The following SSR1 variants were observed in gnomAD, a reference collection of about 807,000 sequenced individuals.
The protein encoded by SSR1 is signal sequence receptor subunit 1, also known as translocon-associated protein subunit alpha.
A neutral mutation model predicts 36.1 loss-of-function variants in SSR1; 13 were observed. The observed-to-expected ratio is 0.36, with a 90% CI of 0.23 to 0.57. SSR1 has a LOEUF of 0.57. SSR1 is among the 20% of genes least tolerant of loss of function. The pLI is 0.81. For missense variants in SSR1, 291 were observed against 338.5 expected (o/e 0.86, Z 1.10); for synonymous variants, 113 against 118.9 (o/e 0.95, Z 0.32).
At chr6:7,296,410 G>A (rs1757795318) in intron 6 of SSR1, among the ~76,000 whole-genome samples, 1 of 152,138 alleles carries the variant, frequency 6.6e-6, no homozygotes, top group South Asian at 2.1e-4. Context: ...GGCAAAGCGA[G>A]TTTTAGAAAT....
intron 2 of SSR1, among the ~76,000 whole-genome samples, chr6:7,306,808 C>T (rs539366086): frequency 0.013 from 1,884 of 149,180 alleles, 21 homozygotes; most frequent in Non-Finnish European, 0.017. Flanking sequence ...CCCAGCTACT[C>T]GGGAGACTGA....
Position 7,313,069 on chromosome 6 carries a change from T to C in SSR1, c.52A>G (p.Thr18Ala), listed in dbSNP as rs758636784. Reference sequence around the variant, plus strand: ...CTGGGGCCGCCTCGGAACAAGACAGTGGCAGGGAACACGAGTAAGAGAAGC... The same window carrying C: ...CTGGGGCCGCCTCGGAACAAGACAGCGGCAGGGAACACGAGTAAGAGAAGC... ...LLLLLLVFPA[T>A]VLFRGGPRGL... The change falls in exon 1 of 8, where the codon ACT becomes GCT. Residue 18 changes from threonine (T) to alanine (A), a missense_variant. Physicochemically the swap from Thr to Ala is moderately conservative, Grantham distance 58. Coordinates refer to ENST00000244763, the MANE Select transcript of SSR1 (RefSeq NM_003144.5). The C allele has an allele frequency of 6.2e-6, 10 of 1,608,524 alleles. No individual in the cohort carries two copies. In the Admixed American group the frequency reaches 1.7e-4, roughly 27 times the overall value.
At chr6:7,290,415 T>A (rs200241399) in intron 7 of SSR1, among the ~76,000 whole-genome samples, 15 of 12,222 alleles carry the variant, frequency 1.2e-3, no homozygotes, top group African/African-American at 4.9e-3. Context: ...TCCCATATGT[T>A]TGTTAGATTC....
At position 7,313,121 on chromosome 6, in the gene SSR1, G is replaced by A. The variant is rs777263622; in HGVS notation, c.-1C>T. ...GCAGCAAGCGGGGGAGGAGTCTCAT[G>A]GCGCTGCCGGTCCAGTGTCCAGTTT... is the stretch of plus-strand genomic sequence containing the variant. On this transcript the variant is annotated 5_prime_UTR_variant, in exon 1 of 8. Transcript: ENST00000244763. 1.7e-5 allele frequency: 27 copies of A among 1,603,360 alleles called. No homozygotes were observed. The Admixed American group carries it at 4.4e-4, about 26-fold the overall frequency.
At chr6:7,298,157 A>T (rs564425434) in intron 5 of SSR1, among the ~76,000 whole-genome samples, 156 bp from the exon 6 acceptor site, 7 of 152,372 alleles carry the variant, frequency 4.6e-5, no homozygotes, top group Non-Finnish European at 8.8e-5. Flanking sequence ...CAGGTAGTTA[A>T]GTTTTATAAA....
chr6:7,287,937 AT>A lies in SSR1; in HGVS notation c.*1926del, dbSNP rs1259690807. On this transcript the variant is annotated 3_prime_UTR_variant, in exon 8 of 8. Transcript: ENST00000244763. Reference sequence around the variant, plus strand: ...CTCAATCTATGCTAAAAAAAAAAAAATGACAAATAATAAATTCTACATTTCC... The same window carrying A: ...CTCAATCTATGCTAAAAAAAAAAAAAGACAAATAATAAATTCTACATTTCC... 3 of 152,410 alleles carry A rather than the reference AT, an allele frequency of 2.0e-5. No homozygotes were observed. Among genetic ancestry groups the A allele is most frequent in the Non-Finnish European group, 4.4e-5 (3 of 68,004 alleles). The allele number at this position is 152,410 out of a possible 1,614,324, so 9.4% of individuals were successfully genotyped here. A position where few individuals can be genotyped will look rare whatever the true frequency, so the allele number is the denominator to read the frequency against.
At chr6:7,298,520 AAT>A (rs1189846914) in intron 5 of SSR1, 7 of 477,994 alleles carry the variant, frequency 1.5e-5, no homozygotes. Context: ...ACAGAAAGCC[AAT>A]ACTAACTTTT....
At chr6:7,307,953 C>T (rs1758107083) in intron 2 of SSR1, among the ~76,000 whole-genome samples, 1 of 152,186 alleles carries the variant, frequency 6.6e-6, no homozygotes. Flanking sequence ...ATTTCAGTGC[C>T]CCAAATACCA....
At position 7,282,418 on chromosome 6, in the gene SSR1, G is replaced by A. The variant is rs1757445692; in HGVS notation, c.*7446C>T. The A allele has an allele frequency of 6.6e-6, 1 of 152,302 alleles. No individual in the cohort carries two copies. The highest frequency in any genetic ancestry group is 2.4e-5 in the African/African-American group (1 of 41,446). The allele number at this position is 152,302 out of a possible 1,614,324, so 9.4% of individuals were successfully genotyped here. On this transcript the variant is annotated 3_prime_UTR_variant, in exon 8 of 8. Coordinates refer to ENST00000244763, the MANE Select transcript of SSR1 (RefSeq NM_003144.5). ...AAAAAAGCCTCTCAAGACTGGAAGG[G>A]ACAGGAGCTGGTGACCATGAAGCAG...
In SSR1 at chr6:7,303,623, C is replaced by T. The variant is rs777363502; in HGVS notation, c.207G>A (p.Glu69=). Residue 69 remains glutamate, a synonymous_variant, in exon 3 of 8, where the codon GAG becomes GAA. Coordinates refer to ENST00000244763, the MANE Select transcript of SSR1 (RefSeq NM_003144.5). ...CAGGTTCACCAGACACATCTTCTTC[C>T]TCTTTATCTTCTACCTAAGAAAAAG... ...DEPTDLVEDK[E]EEDVSGEPEA... 1 of 1,612,136 alleles carries T rather than the reference C, an allele frequency of 6.2e-7. No homozygotes were observed. Among genetic ancestry groups the T allele is most frequent in the South Asian group, 1.1e-5 (1 of 91,012 alleles).
intron 7 of SSR1, chr6:7,294,955 G>T: frequency 2.9e-6 from 2 of 692,338 alleles, no homozygotes; most frequent in Non-Finnish European, 4.4e-6. Context: ...AAGTTATACT[G>T]GGTAGTTTTT....
rs1397779718 is a variant in SSR1 at position 7,284,146 on chromosome 6, A to G, written c.*5718T>C. 1.3e-5 allele frequency: 2 copies of G among 152,226 alleles called. No individual in the cohort carries two copies. Among genetic ancestry groups the G allele is most frequent in the East Asian group, 3.8e-4 (2 of 5,204 alleles). The allele number at this position is 152,226 out of a possible 1,614,324, so 9.4% of individuals were successfully genotyped here. On this transcript the variant is annotated 3_prime_UTR_variant, in exon 8 of 8. Transcript: ENST00000244763. ...TGAAAAAACTGTTCAGAAATAGACT[A>G]ATTTTCTTTGGGTGGTTCAGTCTGA...
intron 7 of SSR1, among the ~76,000 whole-genome samples, chr6:7,291,896 A>AC (rs1256952806): frequency 1.3e-5 from 2 of 151,352 alleles, no homozygotes; most frequent in African/African-American, 4.9e-5. Context: ...ACATGGTGAA[A>AC]CCCCCTCCCT....
intron 3 of SSR1, among the ~76,000 whole-genome samples, chr6:7,302,906 A>G (rs1043725042): frequency 6.6e-6 from 1 of 152,082 alleles, no homozygotes; most frequent in Non-Finnish European, 1.5e-5. Context: ...TGGAAGACCG[A>G]GACGGACAGA....
chr6:7,301,996 A>T (rs1477679153), intron 3 of SSR1, among the ~76,000 whole-genome samples: 5 of 152,236 alleles, frequency 3.3e-5, no homozygotes, highest in Non-Finnish European at 7.3e-5. Context: ...GAAAACTAGC[A>T]TCTGTTAGAA....
rs1183399376 is a variant in SSR1, at chr6:7,286,915, G to T, written c.*2949C>A. The T allele has an allele frequency of 5.9e-5, 1 of 16,980 alleles. No homozygotes were observed. Among genetic ancestry groups the T allele is most frequent in the Admixed American group, 3.8e-4 (1 of 2,620 alleles). The allele number at this position is 16,980 out of a possible 1,614,324, so 1.1% of individuals were successfully genotyped here. A position where few individuals can be genotyped will look rare whatever the true frequency, so the allele number is the denominator to read the frequency against. ...TGACACAGAGACTCCGTCTCAGGGG[G>T]CAAAAAAAAAAAAAAAAAAAAAAGT... On this transcript the variant is annotated 3_prime_UTR_variant, in exon 8 of 8. Coordinates refer to ENST00000244763, the MANE Select transcript of SSR1 (RefSeq NM_003144.5).
chr6:7,313,112 G>C lies in SSR1; in HGVS notation c.9C>G (p.Leu3=), dbSNP rs771468134. The C allele has an allele frequency of 6.2e-7, 1 of 1,605,950 alleles. No homozygotes were observed. The highest frequency in any genetic ancestry group is 1.3e-5 in the African/African-American group (1 of 74,186). The stretch of plus-strand genomic sequence containing the variant: ...AGAGAAGCAGCAGCAAGCGGGGGAG[G>C]AGTCTCATGGCGCTGCCGGTCCAGT... MR[L]LPRLLLLLLL... The change falls in exon 1 of 8, where the codon CTC becomes CTG. Residue 3 remains leucine, a synonymous_variant. Transcript: ENST00000244763.
chr6:7,306,880 G>T (rs1051531865), intron 2 of SSR1, among the ~76,000 whole-genome samples: 1 of 141,328 alleles, frequency 7.1e-6, no homozygotes, highest in Non-Finnish European at 1.5e-5. Context: ...CCACGCCACT[G>T]CACTCCAGCC....
rs187082400 is a variant in SSR1, at chr6:7,306,864, G to A, written c.192+3053C>T. 4.3e-3 allele frequency among the ~76,000 whole-genome samples: 644 copies of A among 150,290 alleles called. 4 individuals carry two copies. Among genetic ancestry groups the A allele is most frequent in the Non-Finnish European group, 5.9e-3 (402 of 67,686 alleles). On this transcript the variant is annotated intron_variant, in intron 2 of 7. Coordinates refer to ENST00000244763, the MANE Select transcript of SSR1 (RefSeq NM_003144.5). ...CCGGGAGGTGGAGCTTGCAGTGAGC[G>A]GAGATCCACGCCACTGCACTCCAGC...
Sources: gnomAD v4.1 joint callset for allele counts (sites outside exome capture counted in the v4.1 genomes callset) on GRCh38, gnomAD v4.1.1 for gene constraint, MANE v1.5 for transcripts, NCBI Gene and HGNC (gene_info 2026-07-23, HGNC 2026-07-21) for gene names.